The following ABCA4 variants were observed in gnomAD, a reference collection of about 807,000 sequenced individuals.
ABCA4 encodes the protein ATP binding cassette subfamily A member 4, also known as retinal-specific phospholipid-transporting ATPase ABCA4.
ABCA4 carries 196 observed loss-of-function variants against 263.7 expected under a neutral mutation model. That is an observed-to-expected ratio of 0.74 (90% confidence interval 0.66 to 0.84). The LOEUF (loss-of-function observed/expected upper bound fraction) is 0.84, where lower values mean the gene tolerates loss of function less well. ABCA4 is among the 40% of genes least tolerant of loss of function. ABCA4 has a pLI of 0.00. For missense variants in ABCA4, 2,792 were observed against 2,855.1 expected, an observed-to-expected ratio of 0.98 and a Z score of 0.50; for synonymous variants, 1,133 against 1,094.2, an observed-to-expected ratio of 1.04 and a Z score of -0.70.
chr1:94,036,362 C>T (rs1660335009), intron 26 of ABCA4, among the ~76,000 whole-genome samples: 1 of 150,456 alleles, frequency 6.6e-6, no homozygotes, highest in East Asian at 1.9e-4. Context: ...TTTGTTGTTT[C>T]ATGACTTTTT....
chr1:94,076,074 T>C (rs145346987), intron 11 of ABCA4, among the ~76,000 whole-genome samples: 16 of 152,304 alleles, frequency 1.1e-4, no homozygotes, highest in African/African-American at 2.4e-4. Context: ...ATTTCAGGCA[T>C]TGGTGGACAT....
chr1:94,015,091 A>G (rs570472947), intron 37 of ABCA4, among the ~76,000 whole-genome samples: 13 of 152,282 alleles, frequency 8.5e-5, no homozygotes, highest in South Asian at 2.1e-4. Flanking sequence ...TTGGTTCCCA[A>G]ATTCTCTATT....
At chr1:94,048,667 G>A (rs370388978) in intron 18 of ABCA4, among the ~76,000 whole-genome samples, 10 of 152,296 alleles carry the variant, frequency 6.6e-5, no homozygotes, top group Admixed American at 3.9e-4. Context: ...GGAAATATGC[G>A]CTAATGTCTG....
At chr1:94,067,624 T>C (rs1028892221) in intron 11 of ABCA4, among the ~76,000 whole-genome samples, 6 of 152,266 alleles carry the variant, frequency 3.9e-5, no homozygotes, top group Non-Finnish European at 7.3e-5. Flanking sequence ...ATTGTGTGGC[T>C]TCTGTTTCCC....
At chr1:94,086,698 T>A (rs190396052) in intron 6 of ABCA4, among the ~76,000 whole-genome samples, 1 of 152,258 alleles carries the variant, frequency 6.6e-6, no homozygotes, top group East Asian at 1.9e-4. Context: ...AGACTTTAAC[T>A]TCTTTTTATA....
chr1:94,086,488 T>A (rs1661830533), intron 6 of ABCA4, among the ~76,000 whole-genome samples: 1 of 152,136 alleles, frequency 6.6e-6, no homozygotes, highest in East Asian at 1.9e-4. Flanking sequence ...TCAATTTTAC[T>A]AATTCAATTA....
At chr1:94,111,293 AC>A in intron 3 of ABCA4, 144 bp downstream of exon 3, 2 of 1,163,920 alleles carry the variant, frequency 1.7e-6, no homozygotes, top group Non-Finnish European at 2.4e-6. Context: ...CAGAGAGGAA[AC>A]CTGCTCTGCT....
intron 40 of ABCA4, among the ~76,000 whole-genome samples, chr1:94,010,281 C>T (rs1348560211): frequency 6.6e-6 from 1 of 152,192 alleles, no homozygotes; most frequent in East Asian, 1.9e-4. Flanking sequence ...GCTAACCTGG[C>T]ATTTGAGAAG....
rs531804563 is a variant in ABCA4 at position 94,031,946 on chromosome 1, G to A, written c.3960C>T (p.Cys1320=). Residue 1320 remains cysteine, a synonymous_variant, in exon 27 of 50, where the codon TGC becomes TGT. Coordinates refer to ENST00000370225, the MANE Select transcript of ABCA4 (RefSeq NM_000350.3). ...GGTGAGCAGCCGGCGCCCCTGGGGA[G>A]CAGACATTGGAGTCCTGGGGTGTCT... ...AGQTPQDSNV[C]SPGAPAAHPE... The A allele has an allele frequency of 1.9e-6, 3 of 1,614,152 alleles. No homozygotes were observed. The highest frequency in any genetic ancestry group is 2.7e-5 in the African/African-American group (2 of 75,048).
rs1395978584 is a variant in ABCA4 at position 94,014,578 on chromosome 1, T to C, written c.5425A>G (p.Ile1809Val). Reference sequence around the variant, plus strand: ...TCAAATAATTCCAAGATGAAGGTAATAGCACTGCTGTTGATGCCGATGAAC... The same window carrying C: ...TCAAATAATTCCAAGATGAAGGTAACAGCACTGCTGTTGATGCCGATGAAC... Reference protein sequence around the residue: ...NLFIGINSSAITFILELFENN... With the variant: ...NLFIGINSSAVTFILELFENN... Residue 1809 changes from isoleucine to valine, a missense_variant, in exon 38 of 50, where the codon ATT becomes GTT. Ile to Val is a conservative substitution (Grantham distance 29). Coordinates refer to ENST00000370225, the MANE Select transcript of ABCA4 (RefSeq NM_000350.3). 2 of 1,614,172 alleles carry C rather than the reference T, an allele frequency of 1.2e-6. No individual in the cohort carries two copies. Among genetic ancestry groups the C allele is most frequent in the East Asian group, 2.2e-5 (1 of 44,888 alleles).
chr1:94,027,169 G>A (rs149123123), intron 30 of ABCA4, among the ~76,000 whole-genome samples: 1 of 152,294 alleles, frequency 6.6e-6, no homozygotes, highest in African/African-American at 2.4e-5. Flanking sequence ...ATAATAGTGA[G>A]GAAATGCAGA....
chr1:94,007,843 C>A (rs1433571579), intron 42 of ABCA4, 103 bp from the exon 43 acceptor site: 1 of 1,093,210 alleles, frequency 9.1e-7, no homozygotes, highest in East Asian at 2.5e-5. Flanking sequence ...GAATTTTAGA[C>A]CTGGGCTGCC....
chr1:94,003,661 T>C (rs940385761), intron 44 of ABCA4, among the ~76,000 whole-genome samples: 3 of 152,150 alleles, frequency 2.0e-5, no homozygotes, highest in Non-Finnish European at 4.4e-5. Flanking sequence ...AGAGACAGAG[T>C]CTTGCTCTGT....
intron 26 of ABCA4, among the ~76,000 whole-genome samples, chr1:94,033,962 C>T (rs1660274876): frequency 6.6e-6 from 1 of 152,132 alleles, no homozygotes; most frequent in South Asian, 2.1e-4. Context: ...TGATCTCTCC[C>T]TGAAGGCTCC....
At chr1:94,080,222 A>G (rs1393425148) in intron 8 of ABCA4, among the ~76,000 whole-genome samples, 1 of 152,046 alleles carries the variant, frequency 6.6e-6, no homozygotes, top group African/African-American at 2.4e-5. Context: ...GTTCAATTAC[A>G]TCAGTGGGAA....
At chr1:94,008,530 A>G (rs915886667) in intron 41 of ABCA4, among the ~76,000 whole-genome samples, 10 of 152,266 alleles carry the variant, frequency 6.6e-5, no homozygotes, top group African/African-American at 2.4e-4. Flanking sequence ...AGTGATTCTC[A>G]CTGAGGCCCT....
intron 26 of ABCA4, among the ~76,000 whole-genome samples, chr1:94,034,582 T>C (rs931784341): frequency 6.6e-6 from 1 of 151,702 alleles, no homozygotes; most frequent in Non-Finnish European, 1.5e-5. Flanking sequence ...CCTCTGAGAC[T>C]GAGCTAACTC....
chr1:94,053,125 T>C (rs925646716), intron 16 of ABCA4, among the ~76,000 whole-genome samples: 4 of 152,192 alleles, frequency 2.6e-5, no homozygotes, highest in Non-Finnish European at 5.9e-5. Flanking sequence ...AGAGAGAGCA[T>C]AGAAACTCTT....
chr1:94,012,982 G>T (rs4147853), intron 38 of ABCA4, among the ~76,000 whole-genome samples: 29,275 of 152,184 alleles, frequency 0.19, 3,464 homozygotes, highest in African/African-American at 0.33. Context: ...GCTGTGTATC[G>T]GATAATTTAC....
Sources: allele counts gnomAD v4.1 joint callset (sites outside exome capture counted in the v4.1 genomes callset), GRCh38; gene constraint gnomAD v4.1.1; transcripts MANE v1.5; gene names NCBI Gene and HGNC (gene_info 2026-07-23, HGNC 2026-07-21).